Variants in HRH2 observed in about 807,000 individuals in gnomAD.
HRH2 encodes histamine receptor H2.
Under a neutral mutation model 20.1 loss-of-function variants are expected in HRH2, and 4 were observed. The ratio of observed to expected loss-of-function variants is 0.20; its 90% CI spans 0.10 to 0.45. The LOEUF is 0.45. HRH2 is among the 20% of genes least tolerant of loss of function. HRH2 has a pLI of 0.99. For missense variants in HRH2, 250 were observed against 461.6 expected (o/e 0.54, Z 4.20); for synonymous variants, 197 against 200.7 (o/e 0.98, Z 0.16).
chr5:175,698,134 T>C (rs1756666518), intron 2 of HRH2, among the ~76,000 whole-genome samples: 1 of 152,260 alleles, frequency 6.6e-6, no homozygotes, highest in Non-Finnish European at 1.5e-5. Flanking sequence ...CACACCGACC[T>C]GCACACGCTC....
intron 2 of HRH2, chr5:175,685,737 C>G: frequency 1.8e-6 from 1 of 567,584 alleles, no homozygotes; most frequent in Non-Finnish European, 3.2e-6. Context: ...TTGCCTGAAG[C>G]TCACATGAGC....
At chr5:175,680,546 G>A (rs1334553120) in intron 1 of HRH2, among the ~76,000 whole-genome samples, 2 of 152,234 alleles carry the variant, frequency 1.3e-5, no homozygotes, top group African/African-American at 4.8e-5. Flanking sequence ...TGAAAGGACA[G>A]TTTGAGAGAC....
In HRH2 at chr5:175,708,972, T is replaced by G. The variant is rs1757022394; in HGVS notation, c.*1001T>G. 6.6e-6 allele frequency: 1 copy of G among 152,250 alleles called. No homozygotes were observed. Among genetic ancestry groups the G allele is most frequent in the South Asian group, 2.1e-4 (1 of 4,812 alleles). 9.4% of individuals were successfully genotyped at this position (152,250 alleles called of 1,614,324 possible). A position where few individuals can be genotyped will look rare whatever the true frequency, so the allele number is the denominator to read the frequency against. On this transcript the variant is annotated 3_prime_UTR_variant, in exon 3 of 3. Coordinates refer to ENST00000636584, the MANE Select transcript of HRH2 (RefSeq NM_001367711.1). The stretch of plus-strand genomic sequence containing the variant: ...GCACTCTCTGGTGGCCGTATGACCT[T>G]GGGCACGTCTCCTGACCACTCTAAG...
chr5:175,709,617 G>A lies in HRH2; in HGVS notation c.*1646G>A. 1 of 152,698 alleles carries A rather than the reference G, an allele frequency of 6.5e-6. No homozygotes were observed. The allele number at this position is 152,698 out of a possible 1,614,324, so 9.5% of individuals were successfully genotyped here. A position where few individuals can be genotyped will look rare whatever the true frequency, so the allele number is the denominator to read the frequency against. On this transcript the variant is annotated 3_prime_UTR_variant, in exon 3 of 3. Coordinates refer to ENST00000636584, the MANE Select transcript of HRH2 (RefSeq NM_001367711.1). ...GCTTCACAGGCTGAGGGTCCACCTTGCCACCTCCGTTTGCCTCAGTCCTCA... is the reference window on the plus strand; with the variant it reads ...GCTTCACAGGCTGAGGGTCCACCTTACCACCTCCGTTTGCCTCAGTCCTCA...
chr5:175,692,675 C>T (rs760450023), intron 2 of HRH2, among the ~76,000 whole-genome samples: 23 of 152,204 alleles, frequency 1.5e-4, no homozygotes, highest in Non-Finnish European at 2.5e-4. Flanking sequence ...ATTTATGTCT[C>T]AGCTGTGCTA....
intron 1 of HRH2, among the ~76,000 whole-genome samples, chr5:175,671,340 G>A (rs1189508660): frequency 6.6e-6 from 1 of 152,210 alleles, no homozygotes; most frequent in Admixed American, 6.5e-5. Flanking sequence ...TCTTTAAGGT[G>A]ACCCAGCTGG....
intron 1 of HRH2, among the ~76,000 whole-genome samples, chr5:175,678,781 A>C (rs1312255667): frequency 1.3e-5 from 2 of 152,220 alleles, no homozygotes; most frequent in Admixed American, 6.5e-5. Context: ...TGATTCCCCC[A>C]AATTGTTGGC....
Position 175,677,296 on chromosome 5 carries a change from C to A in HRH2, c.-525-5413C>A, listed in dbSNP as rs762287672. ...GAATCACTGCGCCCTGTTACTTTTT[C>A]TTTATGCAGTCATTCACTGATGGAC... On this transcript the variant is annotated intron_variant, in intron 1 of 2. Coordinates refer to ENST00000636584, the MANE Select transcript of HRH2 (RefSeq NM_001367711.1). This position sits in a 1 kb window ranked among gnomAD's most constrained non-coding sequence, Gnocchi z 4.2. Among the ~76,000 whole-genome samples, 1 of 152,240 alleles carries A rather than the reference C, an allele frequency of 6.6e-6. No individual in the cohort carries two copies. The highest frequency in any genetic ancestry group is 1.5e-5 in the Non-Finnish European group (1 of 68,042).
At chr5:175,679,766 T>A (rs1436092345) in intron 1 of HRH2, among the ~76,000 whole-genome samples, 2 of 152,256 alleles carry the variant, frequency 1.3e-5, no homozygotes, top group Admixed American at 6.5e-5. Context: ...GTGTGCTGCA[T>A]CTGGGGACAT....
chr5:175,706,266 G>A (rs186637530), intron 2 of HRH2, among the ~76,000 whole-genome samples: 19 of 152,294 alleles, frequency 1.2e-4, no homozygotes, highest in Non-Finnish European at 1.6e-4. Context: ...GTTTTATATA[G>A]CGTCTCTTTG....
At chr5:175,706,744 A>G (rs751023977) in intron 2 of HRH2, among the ~76,000 whole-genome samples, 1 of 152,232 alleles carries the variant, frequency 6.6e-6, no homozygotes, top group African/African-American at 2.4e-5. Context: ...CCTGGCCGGC[A>G]CATGCCCTCA....
At chr5:175,676,409 T>C (rs752329527) in intron 1 of HRH2, among the ~76,000 whole-genome samples, 1 of 152,206 alleles carries the variant, frequency 6.6e-6, no homozygotes, top group African/African-American at 2.4e-5. Context: ...CTGTGTGGCC[T>C]CCACCCACAG....
chr5:175,683,135 G>T lies in HRH2; in HGVS notation c.-99G>T. Reference sequence around the variant, plus strand: ...AAACTGGACACATTTTGGATCTGTTGGGAGCTTGGAGTCCAGTGGTTGGCA... The same window carrying T: ...AAACTGGACACATTTTGGATCTGTTTGGAGCTTGGAGTCCAGTGGTTGGCA... On this transcript the variant is annotated 5_prime_UTR_variant, in exon 2 of 3. Coordinates refer to ENST00000636584, the MANE Select transcript of HRH2 (RefSeq NM_001367711.1). 1.6e-6 allele frequency: 2 copies of T among 1,230,268 alleles called. No homozygotes were observed. Among genetic ancestry groups the T allele is most frequent in the Non-Finnish European group, 2.3e-6 (2 of 887,486 alleles). 76.2% of individuals were successfully genotyped at this position (1,230,268 alleles called of 1,614,324 possible).
chr5:175,665,849 A>G (rs1762872192), intron 1 of HRH2, among the ~76,000 whole-genome samples: 1 of 152,228 alleles, frequency 6.6e-6, no homozygotes, highest in Non-Finnish European at 1.5e-5. Context: ...GAACATGCCA[A>G]GATCATAGAT....
At chr5:175,672,418 C>T (rs1225854867) in intron 1 of HRH2, among the ~76,000 whole-genome samples, 3 of 152,152 alleles carry the variant, frequency 2.0e-5, no homozygotes, top group Non-Finnish European at 4.4e-5. Flanking sequence ...CAGCCCACTG[C>T]GGATGGAGGA....
intron 2 of HRH2, among the ~76,000 whole-genome samples, chr5:175,691,753 T>C (rs969953647): frequency 5.3e-5 from 8 of 151,766 alleles, no homozygotes; most frequent in African/African-American, 1.9e-4. Context: ...CGTGGTGGCA[T>C]GTGCCTGTAA....
At chr5:175,675,625 G>A (rs1755728966) in intron 1 of HRH2, among the ~76,000 whole-genome samples, 1 of 152,176 alleles carries the variant, frequency 6.6e-6, no homozygotes, top group African/African-American at 2.4e-5. Flanking sequence ...AGGGGCATCT[G>A]GACTGAGTGG....
At chr5:175,696,708 C>A (rs971948722) in intron 2 of HRH2, among the ~76,000 whole-genome samples, 9 of 152,188 alleles carry the variant, frequency 5.9e-5, no homozygotes, top group African/African-American at 2.2e-4. Context: ...TTGCTTCTTC[C>A]GTGGGACCTG....
intron 1 of HRH2, among the ~76,000 whole-genome samples, chr5:175,673,482 C>A (rs1273201702): frequency 6.6e-6 from 1 of 152,072 alleles, no homozygotes; most frequent in African/African-American, 2.4e-5. Context: ...GACAAGTCTA[C>A]AGAGACAGAA....
Sources: allele counts gnomAD v4.1 joint callset (sites outside exome capture counted in the v4.1 genomes callset), GRCh38; gene constraint gnomAD v4.1.1; non-coding constraint Gnocchi (gnomAD v3.1); transcripts MANE v1.5; gene names NCBI Gene and HGNC (gene_info 2026-07-23, HGNC 2026-07-21).